ACTN1: variants seen among roughly 807,000 people sequenced by gnomAD.
The protein encoded by ACTN1 is actinin alpha 1.
Under a neutral mutation model 119.6 loss-of-function variants are expected in ACTN1, and 30 were observed. The ratio of observed to expected loss-of-function variants is 0.25; its 90% CI spans 0.19 to 0.34. The LOEUF (loss-of-function observed/expected upper bound fraction) is 0.34, where lower values mean the gene tolerates loss of function less well. Among genes scored for constraint, ACTN1 ranks in the 10% least tolerant of loss-of-function variants. The pLI is 1.00. For missense variants in ACTN1, 764 were observed against 1,223.4 expected, an observed-to-expected ratio of 0.62 and a Z score of 5.60; for synonymous variants, 429 against 472.6, an observed-to-expected ratio of 0.91 and a Z score of 1.20.
chr14:68,929,783 G>A (rs558165357), intron 1 of ACTN1, among the ~76,000 whole-genome samples: 20 of 152,322 alleles, frequency 1.3e-4, no homozygotes, highest in African/African-American at 4.8e-4. Flanking sequence ...GGGAGGGGCC[G>A]CAAAACAGCC....
chr14:68,946,371 C>A (rs565296005), intron 1 of ACTN1, among the ~76,000 whole-genome samples: 2 of 152,314 alleles, frequency 1.3e-5, no homozygotes, highest in South Asian at 4.1e-4. Context: ...CAGTGGGACC[C>A]CAGTTCCTGG....
intron 2 of ACTN1, among the ~76,000 whole-genome samples, chr14:68,923,539 G>A (rs2034762285): frequency 6.6e-6 from 1 of 152,204 alleles, no homozygotes; most frequent in Non-Finnish European, 1.5e-5. Flanking sequence ...GCAAGGCACG[G>A]TGGCTCACAC....
At chr14:68,887,656 A>C in intron 11 of ACTN1, 2 of 1,216,888 alleles carry the variant, frequency 1.6e-6, no homozygotes, top group Non-Finnish European at 2.3e-6. Context: ...GAGGTGGGAT[A>C]CCCTCCTTCT....
chr14:68,974,808 A>T (rs1303252433), intron 1 of ACTN1, among the ~76,000 whole-genome samples: 1 of 152,192 alleles, frequency 6.6e-6, no homozygotes, highest in East Asian at 1.9e-4. Flanking sequence ...CCTTCATGAG[A>T]AGGAACTGTC....
chr14:68,890,125 T>C lies in ACTN1; in HGVS notation c.1234+14A>G. On this transcript the variant is annotated intron_variant, in intron 11 of 21. Transcript: ENST00000394419. ...GAAGCCCTGGGGGGAGGCAGGAGGC[T>C]GGGCTGGCCTCACCGTCAGTCCAGG... is the stretch of plus-strand genomic sequence containing the variant. 1 of 1,605,648 alleles carries C rather than the reference T, an allele frequency of 6.2e-7. No individual in the cohort carries two copies. Among genetic ancestry groups the C allele is most frequent in the Non-Finnish European group, 8.5e-7 (1 of 1,176,668 alleles).
Position 68,882,374 on chromosome 14 carries a change from G to A in ACTN1, c.1953+84C>T. ...CTCAGTCCTCCATGGGTCCCACCCA[G>A]GGAGACAGGCAGCCTGGCTGGCTAG... On this transcript the variant is annotated intron_variant, in intron 16 of 21. Transcript: ENST00000394419. This position sits in a 1 kb window ranked among gnomAD's most constrained non-coding sequence, Gnocchi z 4.5. 6.4e-7 allele frequency: 1 copy of A among 1,559,924 alleles called. No homozygotes were observed. The highest frequency in any genetic ancestry group is 2.3e-5 in the East Asian group (1 of 44,396).
At chr14:68,916,338 C>T (rs763807) in intron 3 of ACTN1, among the ~76,000 whole-genome samples, 29,402 of 152,128 alleles carry the variant, frequency 0.19, 3,779 homozygotes, top group East Asian at 0.62. Flanking sequence ...GGAGTCCTCC[C>T]GGAGGGACTG....
chr14:68,933,583 C>T (rs2035336740), intron 1 of ACTN1, among the ~76,000 whole-genome samples: 1 of 152,198 alleles, frequency 6.6e-6, no homozygotes, highest in South Asian at 2.1e-4. Context: ...AGAATACGGC[C>T]TCTGTATCAC....
intron 4 of ACTN1, 143 bp from the exon 5 acceptor site, chr14:68,910,185 C>A (rs2140291448): frequency 3.2e-6 from 2 of 615,662 alleles, no homozygotes; most frequent in South Asian, 4.2e-5. Flanking sequence ...AAGTCTATTC[C>A]CTTGACAGAG....
chr14:68,970,233 G>A (rs540973041), intron 1 of ACTN1, among the ~76,000 whole-genome samples: 1 of 152,056 alleles, frequency 6.6e-6, no homozygotes, highest in East Asian at 1.9e-4. Context: ...GAACATTTGG[G>A]GCCTCTGATT....
intron 1 of ACTN1, among the ~76,000 whole-genome samples, chr14:68,971,249 A>T (rs552773408): frequency 3.0e-4 from 46 of 152,326 alleles, no homozygotes; most frequent in Admixed American, 7.8e-4. Context: ...TGACATGTGG[A>T]GGTACTCCAA....
chr14:68,931,279 C>G (rs2035210852), intron 1 of ACTN1, among the ~76,000 whole-genome samples: 1 of 152,240 alleles, frequency 6.6e-6, no homozygotes, highest in Admixed American at 6.5e-5. Context: ...GATGGAACAT[C>G]AGCAGAGTTG....
Position 68,878,588 on chromosome 14 carries a change from C to T in ACTN1, c.2362-65G>A, listed in dbSNP as rs1187445705. 3 of 1,605,420 alleles carry T rather than the reference C, an allele frequency of 1.9e-6. No homozygotes were observed. In the South Asian group the frequency reaches 3.3e-5, roughly 18 times the overall value. ...GAAGGCAGGAAGAGGAAGGGCCGGCCCGGGGCCAGGAAGACAGGAACAGAT... is the reference window on the plus strand; with the variant it reads ...GAAGGCAGGAAGAGGAAGGGCCGGCTCGGGGCCAGGAAGACAGGAACAGAT... On this transcript the variant is annotated intron_variant, in intron 19 of 21. Coordinates refer to ENST00000394419, the MANE Select transcript of ACTN1 (RefSeq NM_001130004.2). The surrounding 1 kb of genome is among the most constrained non-coding windows in gnomAD (Gnocchi z 4.4).
intron 6 of ACTN1, among the ~76,000 whole-genome samples, chr14:68,907,192 G>A (rs2140272497): frequency 6.6e-6 from 1 of 150,630 alleles, no homozygotes. Context: ...AACCTGGGAG[G>A]CGGAGGTTGC....
At chr14:68,889,378 A>G (rs77419898) in intron 11 of ACTN1, among the ~76,000 whole-genome samples, 3,710 of 152,342 alleles carry the variant, frequency 0.024, 79 homozygotes, top group South Asian at 0.056. Context: ...TTTAAGCCTC[A>G]CAACAACCCA....
At chr14:68,875,441 G>A (rs991934590) in intron 21 of ACTN1, among the ~76,000 whole-genome samples, 6 of 152,254 alleles carry the variant, frequency 3.9e-5, no homozygotes, top group African/African-American at 1.4e-4. Context: ...TAATTTTAAT[G>A]AGCCCTCCAG....
intron 1 of ACTN1, among the ~76,000 whole-genome samples, chr14:68,962,812 G>A (rs910847): frequency 3.3e-5 from 5 of 152,128 alleles, no homozygotes; most frequent in South Asian, 2.1e-4. Context: ...TTCCGCACCC[G>A]CTGTGTGGGT....
chr14:68,947,279 C>T (rs1455117626), intron 1 of ACTN1: 1 of 152,206 alleles, frequency 6.6e-6, no homozygotes, highest in East Asian at 1.9e-4. Flanking sequence ...TGTCTCACCA[C>T]ACCTCTGTGT....
At chr14:68,893,565 A>T in intron 9 of ACTN1, 90 bp downstream of exon 9, 2 of 1,267,860 alleles carry the variant, frequency 1.6e-6, no homozygotes, top group Non-Finnish European at 1.1e-6. Context: ...TACAAGCCTG[A>T]GACTATGCTC....
Sources: gnomAD v4.1 joint callset for allele counts (sites outside exome capture counted in the v4.1 genomes callset) on GRCh38, gnomAD v4.1.1 for gene constraint, Gnocchi (gnomAD v3.1) non-coding constraint, MANE v1.5 for transcripts, NCBI Gene and HGNC (gene_info 2026-07-23, HGNC 2026-07-21) for gene names.